IL2RB: variants seen among roughly 807,000 people sequenced by gnomAD.
IL2RB encodes interleukin-2 receptor subunit beta.
A neutral mutation model predicts 44.2 loss-of-function variants in IL2RB; 17 were observed. The observed-to-expected ratio is 0.38, with a 90% confidence interval of 0.26 to 0.58. The LOEUF (loss-of-function observed/expected upper bound fraction) is 0.58, where lower values mean the gene tolerates loss of function less well. Ranked by LOEUF, IL2RB falls within the 20% of genes least tolerant of loss-of-function variation. The pLI is 0.63. For synonymous variants in IL2RB, 286 were observed against 297.9 expected, an observed-to-expected ratio of 0.96 and a Z score of 0.41; for missense variants, 624 against 685.5, an observed-to-expected ratio of 0.91 and a Z score of 1.00.
At chr22:37,151,686 AG>A (rs1170826536), upstream of IL2RB, among the ~76,000 whole-genome samples, 5 of 152,210 alleles carry the variant, frequency 3.3e-5, no homozygotes, top group Non-Finnish European at 7.3e-5. Context: ...GTAGTTTCAT[AG>A]TTTGAGGTCT....
At chr22:37,156,651 G>A (rs996773691) in intron 1 of IL2RB, among the ~76,000 whole-genome samples, 4 of 152,254 alleles carry the variant, frequency 2.6e-5, no homozygotes, top group Admixed American at 2.6e-4. Context: ...AGCTGCCGTA[G>A]CCACTTCTAA....
At position 37,128,163 on chromosome 22, in the gene IL2RB, G is replaced by C. The variant is rs757198038; in HGVS notation, c.1589C>G (p.Pro530Arg). ...GEFRALNARL[P>R]LNTDAYLSLQ... is the part of the protein sequence containing the mutation. ...GGACAAGTAGGCATCAGTGTTCAGG[G>C]GCAGGCGAGCATTAAGGGCCCTGAA... Residue 530 changes from proline (P) to arginine (R), a missense_variant, in exon 10 of 10, where the codon CCC becomes CGC. Coordinates refer to ENST00000216223, the MANE Select transcript of IL2RB (RefSeq NM_000878.5). The surrounding 1 kb of genome is among the most constrained non-coding windows in gnomAD (Gnocchi z 4.5). The C allele has an allele frequency of 6.4e-6, 10 of 1,569,406 alleles. No individual in the cohort carries two copies. The highest frequency in any genetic ancestry group is 6.9e-6 in the Non-Finnish European group (8 of 1,162,382).
chr22:37,148,031 A>G (rs1382086457), intron 1 of IL2RB, among the ~76,000 whole-genome samples: 1 of 152,236 alleles, frequency 6.6e-6, no homozygotes, highest in Non-Finnish European at 1.5e-5. Context: ...CCAGGACAGG[A>G]ACTGCAGAGA....
intron 1 of IL2RB, among the ~76,000 whole-genome samples, chr22:37,174,225 G>C (rs1202049766): frequency 6.6e-6 from 1 of 152,218 alleles, no homozygotes; most frequent in South Asian, 2.1e-4. Context: ...AAACGGAAGG[G>C]TTCGTCGCTG....
At chr22:37,158,655 G>A (rs1327197105) in intron 1 of IL2RB, among the ~76,000 whole-genome samples, 1 of 152,214 alleles carries the variant, frequency 6.6e-6, no homozygotes, top group African/African-American at 2.4e-5. Context: ...ATACACGTGG[G>A]TGCACCACTG....
intron 1 of IL2RB, among the ~76,000 whole-genome samples, chr22:37,173,310 A>G (rs532594411): frequency 7.1e-4 from 108 of 152,174 alleles, no homozygotes; most frequent in African/African-American, 2.5e-3. Context: ...TCTCTCCCCT[A>G]TTAGACTGGA....
rs1921951243 is a variant in IL2RB, at chr22:37,141,177, C to T, written c.282+1257G>A. On this transcript the variant is annotated intron_variant, in intron 4 of 9. Transcript: ENST00000216223. This position sits in a 1 kb window ranked among gnomAD's most constrained non-coding sequence, Gnocchi z 4.4. The stretch of plus-strand genomic sequence containing the variant: ...AGCCCCGCTCTCCTGGGCGCAGCTG[C>T]AGCCACCCAAGTCGTGGCCACAGAG... Among the ~76,000 whole-genome samples, 1 of 152,198 alleles carries T rather than the reference C, an allele frequency of 6.6e-6. No individual in the cohort carries two copies. The highest frequency in any genetic ancestry group is 2.4e-5 in the African/African-American group (1 of 41,528).
Position 37,136,130 on chromosome 22 carries a change from C to T in IL2RB, c.703+98G>A. On this transcript the variant is annotated intron_variant, in intron 7 of 9. Coordinates refer to ENST00000216223, the MANE Select transcript of IL2RB (RefSeq NM_000878.5). The stretch of plus-strand genomic sequence containing the variant: ...AGCAAGTGAGGGATGGAGCTGACTG[C>T]TATACCCTCACCCCAGGCAGGGAGA... 3.0e-6 allele frequency: 4 copies of T among 1,322,550 alleles called. No individual in the cohort carries two copies. In the South Asian group the frequency reaches 4.1e-5, roughly 14 times the overall value. 81.9% of individuals were successfully genotyped at this position (1,322,550 alleles called of 1,614,324 possible).
At chr22:37,160,280 A>G (rs889222626) in intron 1 of IL2RB, among the ~76,000 whole-genome samples, 1 of 152,166 alleles carries the variant, frequency 6.6e-6, no homozygotes, top group Non-Finnish European at 1.5e-5. Flanking sequence ...GCATCACTGG[A>G]GTGTATGAGA....
chr22:37,149,910 G>A lies in IL2RB; in HGVS notation c.-119C>T, dbSNP rs906729450. 28 of 985,432 alleles carry A rather than the reference G, an allele frequency of 2.8e-5. No homozygotes were observed. Among genetic ancestry groups the A allele is most frequent in the African/African-American group, 1.4e-4 (8 of 57,212 alleles). 61.0% of individuals were successfully genotyped at this position (985,432 alleles called of 1,614,324 possible). On this transcript the variant is annotated 5_prime_UTR_variant, in exon 1 of 10. Coordinates refer to ENST00000216223, the MANE Select transcript of IL2RB (RefSeq NM_000878.5). Reference sequence around the variant, plus strand: ...GTGGCCATCTCTCCAGGGCCCTGCTGAGCTCTGGCTGCTGGGGCCGCAAAG... The same window carrying A: ...GTGGCCATCTCTCCAGGGCCCTGCTAAGCTCTGGCTGCTGGGGCCGCAAAG...
chr22:37,139,284 C>A, intron 4 of IL2RB, 62 bp from the exon 5 acceptor site: 1 of 1,159,914 alleles, frequency 8.6e-7, no homozygotes, highest in Non-Finnish European at 1.3e-6. Context: ...AAGGGGGAGG[C>A]CACCGGGATG....
intron 1 of IL2RB, among the ~76,000 whole-genome samples, chr22:37,169,643 A>C (rs1923208301): frequency 6.7e-6 from 1 of 149,934 alleles, no homozygotes; most frequent in African/African-American, 2.5e-5. Context: ...AATCGCTTGC[A>C]TGCCTCCCCC....
intron 2 of IL2RB, among the ~76,000 whole-genome samples, 199 bp downstream of exon 2, chr22:37,143,886 T>C (rs983176833): frequency 2.6e-5 from 2 of 77,706 alleles, no homozygotes; most frequent in African/African-American, 9.2e-5. Flanking sequence ...TGGAGAGGCG[T>C]GTGTGTGTGT....
chr22:37,164,339 C>CG (rs985160669), intron 1 of IL2RB, among the ~76,000 whole-genome samples: 1 of 151,964 alleles, frequency 6.6e-6, no homozygotes, highest in Admixed American at 6.6e-5. Context: ...GGAGGGGGCA[C>CG]GGGGGTGCTT....
chr22:37,162,170 G>A (rs1357502453), intron 1 of IL2RB, among the ~76,000 whole-genome samples: 2 of 152,206 alleles, frequency 1.3e-5, no homozygotes, highest in Non-Finnish European at 2.9e-5. Flanking sequence ...GACTGACCAC[G>A]TTGGGTGATG....
Position 37,136,230 on chromosome 22 carries a change from G to A in IL2RB, c.701C>T (p.Ala234Val). ...TCACCCTTGCCGCCCACCAGTACCTGCAGGCTTTGTCCTGAAGGCCAGGGG... is the reference window on the plus strand; with the variant it reads ...TCACCCTTGCCGCCCACCAGTACCTACAGGCTTTGTCCTGAAGGCCAGGGG... ...SQPLAFRTKP[A>V]ALGKDTIPWL... Residue 234 changes from alanine (A) to valine (V), a missense_variant and splice_region_variant, in exon 7 of 10, where the codon GCA (alanine) becomes GTA (valine). Ala to Val is a moderately conservative substitution (Grantham distance 64). This residue lies in a region of IL2RB where 255 missense variants were observed against 339.9 expected (regional missense o/e 0.75). Transcript: ENST00000216223. 2 of 1,609,074 alleles carry A rather than the reference G, an allele frequency of 1.2e-6. No homozygotes were observed. The highest frequency in any genetic ancestry group is 2.0e-4 in the Middle Eastern group (1 of 4,902).
At chr22:37,161,881 T>G (rs1343095522) in intron 1 of IL2RB, 1 of 152,242 alleles carries the variant, frequency 6.6e-6, no homozygotes, top group East Asian at 1.9e-4. Flanking sequence ...CTCCAAGACC[T>G]GGAGGCTGGC....
At position 37,132,441 on chromosome 22, in the gene IL2RB, G is replaced by A; in HGVS notation, c.846C>T (p.Thr282=). 6.2e-7 allele frequency: 1 copy of A among 1,614,102 alleles called. No individual in the cohort carries two copies. Among genetic ancestry groups the A allele is most frequent in the East Asian group, 2.2e-5 (1 of 44,886 alleles). The part of the protein sequence containing the change: ...PWLKKVLKCN[T]PDPSKFFSQL... ...GGGAAAAGAACTTCGAGGGGTCTGGGGTGTTACACTTCAGGACCTTCTTCA... is the reference window on the plus strand; with the variant it reads ...GGGAAAAGAACTTCGAGGGGTCTGGAGTGTTACACTTCAGGACCTTCTTCA... The change falls in exon 9 of 10, where the codon ACC becomes ACT. Residue 282 remains threonine, a synonymous_variant. Coordinates refer to ENST00000216223, the MANE Select transcript of IL2RB (RefSeq NM_000878.5).
intron 1 of IL2RB, among the ~76,000 whole-genome samples, chr22:37,172,236 T>G (rs114457261): frequency 0.026 from 3,022 of 115,318 alleles, 111 homozygotes; most frequent in African/African-American, 0.11. Flanking sequence ...AAAAAAAAAG[T>G]GATGTTGGGG....
Sources: gnomAD v4.1 joint callset for allele counts (sites outside exome capture counted in the v4.1 genomes callset) on GRCh38, gnomAD v4.1.1 for gene constraint, gnomAD v4.1.1 regional missense constraint, Gnocchi (gnomAD v3.1) non-coding constraint, MANE v1.5 for transcripts, NCBI Gene and HGNC (gene_info 2026-07-23, HGNC 2026-07-21) for gene names.